FBXO4: variants seen among roughly 807,000 people sequenced by gnomAD.
The protein encoded by FBXO4 is F-box only protein 4.
FBXO4 carries 36 observed loss-of-function variants against 43.7 expected under a neutral mutation model. The observed-to-expected ratio is 0.82, with a 90% CI of 0.63 to 1.09. FBXO4 has a LOEUF of 1.09. Among genes scored for constraint, FBXO4 ranks in the 50% least tolerant of loss-of-function variants. The pLI is 0.00. For missense variants in FBXO4, 435 were observed against 474.1 expected (o/e 0.92, Z 0.77); for synonymous variants, 180 against 165.6 (o/e 1.09, Z -0.67).
chr5:41,972,648 G>T, the FBXO4 span, among the ~76,000 whole-genome samples: 1 of 152,170 alleles, frequency 6.6e-6, no homozygotes, highest in East Asian at 1.9e-4. Flanking sequence ...CAAAGCCAGA[G>T]GCATCACATT....
the FBXO4 span, among the ~76,000 whole-genome samples, chr5:41,991,853 C>T: frequency 0.011 from 1,679 of 152,222 alleles, 28 homozygotes; most frequent in African/African-American, 0.033. Context: ...CCGAGGAGGG[C>T]GGATCACCCC....
the FBXO4 span, among the ~76,000 whole-genome samples, chr5:41,984,192 C>G: frequency 6.6e-6 from 1 of 152,112 alleles, no homozygotes; most frequent in East Asian, 1.9e-4. Flanking sequence ...AATCAGCTTC[C>G]TGTCAATTTT....
the FBXO4 span, chr5:41,967,996 T>TTAA: frequency 1.8e-5 from 8 of 441,816 alleles, no homozygotes; most frequent in Admixed American, 5.2e-5. Flanking sequence ...TGGCCCTTTG[T>TTAA]TGCCAGAGGC....
At chr5:41,957,490 A>G in the FBXO4 span, among the ~76,000 whole-genome samples, 2 of 149,022 alleles carry the variant, frequency 1.3e-5, no homozygotes, top group African/African-American at 4.9e-5. Flanking sequence ...AATAATTATA[A>G]TAATCCTTGC....
the FBXO4 span, among the ~76,000 whole-genome samples, chr5:42,033,244 C>A: frequency 6.6e-6 from 1 of 152,130 alleles, no homozygotes; most frequent in Non-Finnish European, 1.5e-5. Flanking sequence ...CAGGTTGCAT[C>A]TTCCCACAAC....
chr5:41,979,257 C>G, the FBXO4 span, among the ~76,000 whole-genome samples: 1 of 152,170 alleles, frequency 6.6e-6, no homozygotes, highest in Non-Finnish European at 1.5e-5. Context: ...AGTCTTCAGT[C>G]AGGATTGTGT....
chr5:41,979,756 A>G, the FBXO4 span, among the ~76,000 whole-genome samples: 1 of 152,196 alleles, frequency 6.6e-6, no homozygotes, highest in African/African-American at 2.4e-5. Flanking sequence ...ACAACCTTAA[A>G]TTCTGAGGCT....
chr5:42,012,271 C>A, the FBXO4 span, among the ~76,000 whole-genome samples: 1 of 152,078 alleles, frequency 6.6e-6, no homozygotes, highest in African/African-American at 2.4e-5. Flanking sequence ...GGGCTAGAAA[C>A]CCTAGTTCTG....
chr5:42,025,457 G>A, the FBXO4 span, among the ~76,000 whole-genome samples: 2 of 151,842 alleles, frequency 1.3e-5, no homozygotes, highest in Non-Finnish European at 2.9e-5. Flanking sequence ...TTGTCGGATG[G>A]GTAATTTGCA....
chr5:41,953,805 G>A, the FBXO4 span, among the ~76,000 whole-genome samples: 1 of 151,868 alleles, frequency 6.6e-6, no homozygotes, highest in Non-Finnish European at 1.5e-5. Context: ...CTTTTGAGAA[G>A]TGTCTGTTCA....
the FBXO4 span, among the ~76,000 whole-genome samples, chr5:42,010,022 C>G: frequency 3.3e-5 from 5 of 152,070 alleles, no homozygotes; most frequent in African/African-American, 1.2e-4. Context: ...TAGAATCATA[C>G]AGTATTTGTT....
the FBXO4 span, among the ~76,000 whole-genome samples, chr5:41,955,236 A>G: frequency 6.6e-6 from 1 of 152,174 alleles, no homozygotes; most frequent in African/African-American, 2.4e-5. Context: ...TCAATATATC[A>G]TATAGAATCT....
chr5:41,944,307 C>A (rs1465017417), downstream of FBXO4, among the ~76,000 whole-genome samples: 1 of 152,174 alleles, frequency 6.6e-6, no homozygotes, highest in Non-Finnish European at 1.5e-5. Context: ...AGAGAAAGTA[C>A]AATTCTCCAT....
rs146542193 is a variant in FBXO4, at chr5:41,939,545, G to A, written c.1003G>A (p.Asp335Asn). The A allele has an allele frequency of 6.2e-7, 1 of 1,613,632 alleles. No homozygotes were observed. Among genetic ancestry groups the A allele is most frequent in the African/African-American group, 1.3e-5 (1 of 74,896 alleles). ...LLVLSCISQG[D>N]VKRMPCFYLA... ...GGTTTTATCTTGTATTTCTCAAGGG[G>A]ATGTAAAAAGAATGCCCTGTTTTTA... The change falls in exon 6 of 7, where the codon GAT becomes AAT. Residue 335 changes from aspartate to asparagine, a missense_variant. Transcript: ENST00000281623.
intron 5 of FBXO4, among the ~76,000 whole-genome samples, chr5:41,935,830 CA>C (rs1751835306): frequency 6.6e-6 from 1 of 152,156 alleles, no homozygotes; most frequent in South Asian, 2.1e-4. Flanking sequence ...ACCCCCATGG[CA>C]CAGTTAACAA....
intron 3 of FBXO4, among the ~76,000 whole-genome samples, chr5:41,930,521 C>T (rs373341369): frequency 6.6e-6 from 1 of 152,070 alleles, no homozygotes; most frequent in South Asian, 2.1e-4. Context: ...GTATTTAGTT[C>T]CTGGGTAGAA....
the FBXO4 span, among the ~76,000 whole-genome samples, chr5:42,007,161 T>C: frequency 6.6e-6 from 1 of 150,654 alleles, no homozygotes; most frequent in Non-Finnish European, 1.5e-5. Flanking sequence ...AGTGAGGTCA[T>C]TAAGGTGGGC....
chr5:41,998,007 T>A, the FBXO4 span, among the ~76,000 whole-genome samples: 2 of 152,194 alleles, frequency 1.3e-5, no homozygotes, highest in African/African-American at 4.8e-5. Context: ...GTAAATTTCC[T>A]GCTTATACAA....
In FBXO4 at chr5:41,925,334, G is replaced by T. The variant is rs1751441980; in HGVS notation, c.25G>T (p.Gly9Ter). The change falls in exon 1 of 7, where the codon GGA becomes TGA. Residue 9 changes from glycine (G) to a stop codon, truncating the protein, a stop_gained. Coordinates refer to ENST00000281623, the MANE Select transcript of FBXO4 (RefSeq NM_012176.3). LOFTEE classifies it high-confidence loss of function. ...CATGGCGGGAAGCGAGCCGCGCAGC[G>T]GAACAAACTCGCCGCCGCCGCCCTT... is the stretch of plus-strand genomic sequence containing the variant. MAGSEPRS[G>*]TNSPPPPFSD... 1.5e-6 allele frequency: 2 copies of T among 1,358,198 alleles called. No homozygotes were observed. Among genetic ancestry groups the T allele is most frequent in the South Asian group, 1.8e-5 (1 of 56,040 alleles). The allele number at this position is 1,358,198 out of a possible 1,614,324, so 84.1% of individuals were successfully genotyped here. A position where few individuals can be genotyped will look rare whatever the true frequency, so the allele number is the denominator to read the frequency against.
Sources: allele counts gnomAD v4.1 joint callset (sites outside exome capture counted in the v4.1 genomes callset), GRCh38; gene constraint gnomAD v4.1.1; transcripts MANE v1.5; gene names NCBI Gene and HGNC (gene_info 2026-07-23, HGNC 2026-07-21).